Variants in NEXMIF observed in about 807,000 individuals in gnomAD.
NEXMIF encodes XLMR protein related to neurite extension.
A neutral mutation model predicts 62.1 loss-of-function variants in NEXMIF; 8 were observed. The observed-to-expected ratio is 0.13, with a 90% CI of 0.08 to 0.23. The LOEUF (loss-of-function observed/expected upper bound fraction) is 0.23, where lower values mean the gene tolerates loss of function less well. Ranked by LOEUF, NEXMIF falls within the 10% of genes least tolerant of loss-of-function variation. The pLI, the probability that NEXMIF is intolerant of heterozygous loss-of-function variation, is 1.00. For synonymous variants in NEXMIF, 404 were observed against 416.6 expected (o/e 0.97, Z 0.37); for missense variants, 976 against 1,113.3 (o/e 0.88, Z 1.75).
At chrX:74,883,134 A>C (rs1464664268) in intron 1 of NEXMIF, among the ~76,000 whole-genome samples, 1 of 111,962 alleles carries the variant, frequency 8.9e-6, no homozygotes, top group Non-Finnish European at 1.9e-5. Flanking sequence ...TACACACCAA[A>C]AACCCATCTG....
chrX:74,802,696 C>G (rs1158392162), intron 1 of NEXMIF, among the ~76,000 whole-genome samples: 1 of 110,331 alleles, frequency 9.1e-6, no homozygotes, highest in Non-Finnish European at 1.9e-5. Context: ...AAAACATAAC[C>G]ACACCAAATG....
intron 1 of NEXMIF, among the ~76,000 whole-genome samples, chrX:74,858,256 G>A (rs1426735882): frequency 8.9e-6 from 1 of 112,519 alleles, no homozygotes; most frequent in Non-Finnish European, 1.9e-5. Flanking sequence ...TGGAGTCCCA[G>A]TGGTGGTGGC....
At chrX:74,794,062 G>C (rs1203546312) in intron 1 of NEXMIF, among the ~76,000 whole-genome samples, 1 of 93,368 alleles carries the variant, frequency 1.1e-5, no homozygotes, top group Non-Finnish European at 2.2e-5. Flanking sequence ...CTGCATTTTA[G>C]AGTTTCCAGT....
intron 1 of NEXMIF, among the ~76,000 whole-genome samples, chrX:74,830,342 C>T (rs760638923): frequency 4.5e-5 from 5 of 111,538 alleles, no homozygotes; most frequent in East Asian, 2.8e-4. Context: ...GCATCTTTGT[C>T]GAACACGAGC....
intron 1 of NEXMIF, among the ~76,000 whole-genome samples, chrX:74,846,709 T>C (rs1374097610): frequency 8.9e-6 from 1 of 112,384 alleles, no homozygotes; most frequent in Non-Finnish European, 1.9e-5. Context: ...TAGGGCTACA[T>C]GAGCAGGTTA....
chrX:74,791,035 C>G (rs1191115324), intron 1 of NEXMIF, among the ~76,000 whole-genome samples: 62 of 110,311 alleles, frequency 5.6e-4, no homozygotes, highest in African/African-American at 1.9e-3. Context: ...TGGTGAGAGA[C>G]GGCATCCCTG....
At chrX:74,871,468 C>T (rs998656148) in intron 1 of NEXMIF, among the ~76,000 whole-genome samples, 14 of 111,338 alleles carry the variant, frequency 1.3e-4, no homozygotes, top group African/African-American at 4.6e-4. Flanking sequence ...AAACAGGGTT[C>T]GAGAGCAGAC....
intron 1 of NEXMIF, among the ~76,000 whole-genome samples, chrX:74,800,356 T>C (rs760710332): frequency 5.4e-5 from 6 of 111,799 alleles, no homozygotes; most frequent in Admixed American, 9.5e-5. Flanking sequence ...ACTTTCACAA[T>C]TGGAAGGCTA....
At chrX:74,875,004 G>A (rs2080623811) in intron 1 of NEXMIF, among the ~76,000 whole-genome samples, 1 of 110,796 alleles carries the variant, frequency 9.0e-6, no homozygotes. Flanking sequence ...CTGCCTCATT[G>A]CCCTGGCCAG....
chrX:74,874,470 A>T (rs1322487439), intron 1 of NEXMIF, among the ~76,000 whole-genome samples: 4 of 110,961 alleles, frequency 3.6e-5, no homozygotes, highest in Non-Finnish European at 7.5e-5. Flanking sequence ...TGACTTGGTG[A>T]TGTGGGCTCT....
chrX:74,778,461 C>T (rs2080235473), intron 1 of NEXMIF, among the ~76,000 whole-genome samples: 1 of 111,033 alleles, frequency 9.0e-6, no homozygotes, highest in Admixed American at 9.6e-5. Context: ...TCATCTCGCT[C>T]TCTCGCCCAG....
At chrX:74,807,634 T>C (rs891038328) in intron 1 of NEXMIF, among the ~76,000 whole-genome samples, 1 of 111,817 alleles carries the variant, frequency 8.9e-6, no homozygotes, top group Admixed American at 9.5e-5. Flanking sequence ...AGCTAATTTT[T>C]GTATTTTTAG....
At chrX:74,829,492 T>C (rs1490898754) in intron 1 of NEXMIF, among the ~76,000 whole-genome samples, 1 of 112,446 alleles carries the variant, frequency 8.9e-6, no homozygotes, top group African/African-American at 3.2e-5. Flanking sequence ...TTGGCTATTG[T>C]GAACAGTGCT....
At chrX:74,824,365 G>A (rs1263343445) in intron 1 of NEXMIF, among the ~76,000 whole-genome samples, 1 of 111,609 alleles carries the variant, frequency 9.0e-6, no homozygotes, top group Non-Finnish European at 1.9e-5. Context: ...GAAAACATGC[G>A]GTATTTGTCT....
At chrX:74,758,655 G>C (rs2080166539) in intron 1 of NEXMIF, among the ~76,000 whole-genome samples, 1 of 111,425 alleles carries the variant, frequency 9.0e-6, no homozygotes, top group South Asian at 3.8e-4. Flanking sequence ...GTGAGAACAA[G>C]TGGTATTTGG....
At chrX:74,840,756 T>A (rs2080471358) in intron 1 of NEXMIF, among the ~76,000 whole-genome samples, 1 of 111,800 alleles carries the variant, frequency 8.9e-6, no homozygotes, top group Non-Finnish European at 1.9e-5. Flanking sequence ...CCCAATTGCT[T>A]GTTTTTGTCA....
chrX:74,888,071 T>G (rs1419016354), intron 1 of NEXMIF, among the ~76,000 whole-genome samples: 1 of 109,346 alleles, frequency 9.1e-6, no homozygotes, highest in East Asian at 2.9e-4. Flanking sequence ...TTCTCACTCA[T>G]AGGTGGGAAC....
At chrX:74,859,570 C>T (rs1351985824) in intron 1 of NEXMIF, among the ~76,000 whole-genome samples, 1 of 110,956 alleles carries the variant, frequency 9.0e-6, no homozygotes, top group Non-Finnish European at 1.9e-5. Flanking sequence ...CTTGAAGGTA[C>T]AAAACTCACT....
chrX:74,847,823 T>C lies in NEXMIF; in HGVS notation c.-48+77060A>G, dbSNP rs939346205. ...TAATTAATGATAGTAATAATAATAA[T>C]ATTAAATTAAATTTTGAGTACATAC... On this transcript the variant is annotated intron_variant, in intron 1 of 3. Coordinates refer to ENST00000055682, the MANE Select transcript of NEXMIF (RefSeq NM_001008537.3). 1.8e-4 allele frequency among the ~76,000 whole-genome samples: 20 copies of C among 111,078 alleles called. No individual in the cohort carries two copies. In the Admixed American group the frequency reaches 1.8e-3, roughly 10 times the overall value.
Sources: allele counts gnomAD v4.1 joint callset (sites outside exome capture counted in the v4.1 genomes callset), GRCh38; gene constraint gnomAD v4.1.1; transcripts MANE v1.5; gene names NCBI Gene and HGNC (gene_info 2026-07-23, HGNC 2026-07-21).